GPSM2: variants seen among roughly 807,000 people sequenced by gnomAD.
GPSM2 encodes G protein-signaling modulator 2.
In GPSM2, 58 loss-of-function variants were observed where a neutral mutation model predicts 78.4. The ratio of observed to expected loss-of-function variants is 0.74; its 90% CI spans 0.60 to 0.92. The LOEUF is 0.92. Ranked by LOEUF, GPSM2 falls within the 40% of genes least tolerant of loss-of-function variation. The pLI, the probability that GPSM2 is intolerant of heterozygous loss-of-function variation, is 0.00. For missense variants in GPSM2, 700 were observed against 815.5 expected (o/e 0.86, Z 1.73); for synonymous variants, 224 against 280.2 (o/e 0.80, Z 2.00).
At position 108,931,069 on chromosome 1, in the gene GPSM2, TTGTG is replaced by T. The variant is rs1371806767; in HGVS notation, c.*1133_*1136del. 1 of 269,998 alleles carries T rather than the reference TTGTG, an allele frequency of 3.7e-6. No individual in the cohort carries two copies. The highest frequency in any genetic ancestry group is 7.1e-6 in the Non-Finnish European group (1 of 141,562). 16.7% of individuals were successfully genotyped at this position (269,998 alleles called of 1,614,324 possible). A position where few individuals can be genotyped will look rare whatever the true frequency, so the allele number is the denominator to read the frequency against. Reference sequence around the variant, plus strand: ...CCTGTCTCTAGAAAACAAGTATCTTTTGTGTGTTTTGGGCTGTTTAAAAAAATTA... The same window carrying T: ...CCTGTCTCTAGAAAACAAGTATCTTTTGTTTTGGGCTGTTTAAAAAAATTA... On this transcript the variant is annotated 3_prime_UTR_variant, in exon 15 of 15. Coordinates refer to ENST00000264126, the MANE Select transcript of GPSM2 (RefSeq NM_013296.5).
intron 14 of GPSM2, chr1:108,929,376 C>G (rs925200471): frequency 1.5e-5 from 5 of 332,930 alleles, no homozygotes; most frequent in Non-Finnish European, 2.8e-5. Flanking sequence ...TACTTAGATA[C>G]AGTTGACCTT....
chr1:108,916,892 A>T (rs577642805), intron 11 of GPSM2, among the ~76,000 whole-genome samples: 2 of 152,202 alleles, frequency 1.3e-5, no homozygotes, highest in African/African-American at 4.8e-5. Context: ...TTCCTGGGAG[A>T]GTGTGCAGTG....
In GPSM2 at chr1:108,930,258, C is replaced by G; in HGVS notation, c.*318C>G. The G allele has an allele frequency of 4.1e-6, 1 of 241,546 alleles. No homozygotes were observed. Among genetic ancestry groups the G allele is most frequent in the South Asian group, 1.1e-4 (1 of 9,190 alleles). The allele number at this position is 241,546 out of a possible 1,614,324, so 15.0% of individuals were successfully genotyped here. A position where few individuals can be genotyped will look rare whatever the true frequency, so the allele number is the denominator to read the frequency against. Reference sequence around the variant, plus strand: ...GAATCATAGATTAGAATTTAATACTCTTATGGAAATAATTTTTTAACATCT... The same window carrying G: ...GAATCATAGATTAGAATTTAATACTGTTATGGAAATAATTTTTTAACATCT... On this transcript the variant is annotated 3_prime_UTR_variant, in exon 15 of 15. Transcript: ENST00000264126.
intron 2 of GPSM2, among the ~76,000 whole-genome samples, chr1:108,890,699 T>C (rs555545258): frequency 6.6e-6 from 1 of 152,338 alleles, no homozygotes; most frequent in South Asian, 2.1e-4. Context: ...CATCTGGTTC[T>C]TCCATTGTGG....
chr1:108,885,589 T>TG lies in GPSM2; in HGVS notation c.56+12dup, dbSNP rs755347896. On this transcript the variant is annotated intron_variant, in intron 2 of 14. Transcript: ENST00000264126. ...TCATGTTCGTTACAGGTAAGACTAT[T>TG]GCTGTCTTAATGGATGACTTTTAAT... is the stretch of plus-strand genomic sequence containing the variant. The TG allele has an allele frequency of 6.6e-7, 1 of 1,504,084 alleles. No homozygotes were observed. Among genetic ancestry groups the TG allele is most frequent in the African/African-American group, 1.4e-5 (1 of 72,826 alleles). The allele number at this position is 1,504,084 out of a possible 1,614,324, so 93.2% of individuals were successfully genotyped here. A position where few individuals can be genotyped will look rare whatever the true frequency, so the allele number is the denominator to read the frequency against.
At chr1:108,922,710 T>A (rs1006091672) in intron 13 of GPSM2, 134 bp downstream of exon 13, 1 of 834,370 alleles carries the variant, frequency 1.2e-6, no homozygotes, top group Non-Finnish European at 2.1e-6. Flanking sequence ...GAAATGCTGT[T>A]ATTTATACAG....
In GPSM2 at chr1:108,896,905, G is replaced by A. The variant is rs1648407601; in HGVS notation, c.98G>A (p.Arg33His). The A allele has an allele frequency of 3.1e-6, 5 of 1,614,146 alleles. No individual in the cohort carries two copies. The South Asian group carries it at 4.4e-5, about 14-fold the overall frequency. The change falls in exon 3 of 15, where the codon CGT (arginine) becomes CAT (histidine). Residue 33 changes from arginine to histidine, a missense_variant. Arg to His is a conservative substitution (Grantham distance 29, BLOSUM62 0). Coordinates refer to ENST00000264126, the MANE Select transcript of GPSM2 (RefSeq NM_013296.5). ...CTAGAGCTGGCCTTGGAAGGGGAAC[G>A]TCTATGTAAATCAGGAGACTGCCGC... ...SCLELALEGE[R>H]LCKSGDCRAG...
chr1:108,897,172 CTT>C (rs1345009851), intron 3 of GPSM2, 87 bp downstream of exon 3: 6 of 992,160 alleles, frequency 6.0e-6, no homozygotes, highest in African/African-American at 1.6e-5. Context: ...CAAAAACTAA[CTT>C]AATACATTTA....
chr1:108,880,195 A>G (rs1034084432), intron 1 of GPSM2, among the ~76,000 whole-genome samples: 12 of 152,246 alleles, frequency 7.9e-5, no homozygotes, highest in Admixed American at 5.9e-4. Flanking sequence ...GAGAAGACAA[A>G]ATCATGTTTA....
intron 13 of GPSM2, 49 bp downstream of exon 13, chr1:108,922,625 TC>T: frequency 7.1e-7 from 1 of 1,413,076 alleles, no homozygotes; most frequent in Non-Finnish European, 1.0e-6. Flanking sequence ...TCTTTGATAT[TC>T]TTGTGGCTTA....
chr1:108,885,858 AAT>A (rs1191722050), intron 2 of GPSM2, among the ~76,000 whole-genome samples: 2 of 152,200 alleles, frequency 1.3e-5, no homozygotes, highest in East Asian at 3.8e-4. Flanking sequence ...ATGTAAATGA[AAT>A]ATGTTTGAAA....
chr1:108,929,630 TGA>T (rs1427230122), intron 14 of GPSM2, 69 bp from the exon 15 acceptor site: 4 of 1,427,442 alleles, frequency 2.8e-6, no homozygotes, highest in Non-Finnish European at 4.0e-6. Flanking sequence ...TTGTTGTGAC[TGA>T]GAGATTTAAC....
chr1:108,884,115 G>A (rs1647335075), intron 1 of GPSM2, among the ~76,000 whole-genome samples: 1 of 152,054 alleles, frequency 6.6e-6, no homozygotes, highest in African/African-American at 2.4e-5. Flanking sequence ...GCTAACTTTT[G>A]TATTTTTAGT....
chr1:108,904,022 T>G (rs1649034381), intron 9 of GPSM2, 103 bp from the exon 10 acceptor site: 1 of 794,122 alleles, frequency 1.3e-6, no homozygotes, highest in African/African-American at 1.7e-5. Flanking sequence ...TATTTTCATT[T>G]CTCTATATTT....
intron 10 of GPSM2, among the ~76,000 whole-genome samples, chr1:108,913,564 C>A (rs1420581533): frequency 6.6e-6 from 1 of 152,076 alleles, no homozygotes; most frequent in African/African-American, 2.4e-5. Context: ...AGCTCTAAAA[C>A]CAATATAGTT....
intron 10 of GPSM2, among the ~76,000 whole-genome samples, chr1:108,906,764 G>C (rs759722894): frequency 2.2e-4 from 33 of 152,240 alleles, no homozygotes; most frequent in East Asian, 5.8e-4. Context: ...TGTAGTCCCA[G>C]CTACTCAGGA....
chr1:108,929,825 G>A lies in GPSM2; in HGVS notation c.1940G>A (p.Arg647Lys). 6.2e-7 allele frequency: 1 copy of A among 1,614,080 alleles called. No homozygotes were observed. Among genetic ancestry groups the A allele is most frequent in the Non-Finnish European group, 8.5e-7 (1 of 1,179,980 alleles). ...CAGGGAAAGAGAATGGATGAACAGA[G>A]AGTTCTTTTACAAAGAGATCAAAAC... The part of the protein sequence containing the change: ...RSQGKRMDEQ[R>K]VLLQRDQNRD... The change falls in exon 15 of 15, where the codon AGA (arginine) becomes AAA (lysine). Residue 647 changes from arginine (R) to lysine (K), a missense_variant. Coordinates refer to ENST00000264126, the MANE Select transcript of GPSM2 (RefSeq NM_013296.5).
chr1:108,903,298 G>A, intron 9 of GPSM2, 64 bp downstream of exon 9: 1 of 864,110 alleles, frequency 1.2e-6, no homozygotes, highest in Non-Finnish European at 2.0e-6. Flanking sequence ...TTGGGGGAGG[G>A]AACCCTATTT....
At chr1:108,909,567 T>A (rs561692705) in intron 10 of GPSM2, 1 of 152,294 alleles carries the variant, frequency 6.6e-6, no homozygotes, top group South Asian at 2.1e-4. Context: ...TTGTGGCATG[T>A]GACTTACATT....
Sources: allele counts gnomAD v4.1 joint callset (sites outside exome capture counted in the v4.1 genomes callset), GRCh38; gene constraint gnomAD v4.1.1; transcripts MANE v1.5; gene names NCBI Gene and HGNC (gene_info 2026-07-23, HGNC 2026-07-21).